The following E2F6 variants were observed in gnomAD, a reference collection of about 807,000 sequenced individuals.
The protein encoded by E2F6 is E2F transcription factor 6.
In E2F6, 19 loss-of-function variants were observed where a neutral mutation model predicts 31.5. That is an observed-to-expected ratio of 0.60 (90% CI 0.42 to 0.89). The LOEUF is 0.89. Among genes scored for constraint, E2F6 ranks in the 40% least tolerant of loss-of-function variants. The pLI is 0.00. For missense variants in E2F6, 269 were observed against 341.6 expected, an observed-to-expected ratio of 0.79 and a Z score of 1.67; for synonymous variants, 121 against 127.7, an observed-to-expected ratio of 0.95 and a Z score of 0.36.
At chr2:11,463,968 AAAACAG>A in intron 1 of E2F6, among the ~76,000 whole-genome samples, 1 of 148,004 alleles carries the variant, frequency 6.8e-6, no homozygotes, top group Non-Finnish European at 1.5e-5. Flanking sequence ...GACAAAAACA[AAAACAG>A]AAAAACAAAT....
intron 4 of E2F6, among the ~76,000 whole-genome samples, chr2:11,450,918 C>G (rs933701999): frequency 2.6e-5 from 4 of 152,158 alleles, no homozygotes; most frequent in African/African-American, 9.7e-5. Context: ...GGGAACAGCA[C>G]AGCATATAGG....
intron 2 of E2F6, among the ~76,000 whole-genome samples, chr2:11,456,548 A>G (rs2148350434): frequency 6.6e-6 from 1 of 152,302 alleles, no homozygotes; most frequent in East Asian, 1.9e-4. Flanking sequence ...CTATATTTTG[A>G]AAGGTCATTG....
Position 11,465,778 on chromosome 2 carries a change from G to C in E2F6, c.102C>G (p.Gly34=). 6.3e-7 allele frequency: 1 copy of C among 1,594,590 alleles called. No homozygotes were observed. The highest frequency in any genetic ancestry group is 2.3e-5 in the East Asian group (1 of 43,986). ...RRCRDPINVE[G]LLPSKIRINL... ...GTCCCGTCCCGGAGCTTACCAGCAG[G>C]CCCTCCACGTTGATGGGGTCTCGGC... Residue 34 remains glycine (G), a synonymous_variant, in exon 1 of 7, where the codon GGC becomes GGG. Coordinates refer to ENST00000381525, the MANE Select transcript of E2F6 (RefSeq NM_198256.4).
At chr2:11,461,128 T>C (rs1235715531) in intron 1 of E2F6, among the ~76,000 whole-genome samples, 4 of 152,108 alleles carry the variant, frequency 2.6e-5, no homozygotes, top group African/African-American at 9.7e-5. Flanking sequence ...AATGCAGAAT[T>C]AATCCCCTTA....
At chr2:11,449,553 T>C (rs922704594) in intron 5 of E2F6, among the ~76,000 whole-genome samples, 1 of 152,246 alleles carries the variant, frequency 6.6e-6, no homozygotes, top group Non-Finnish European at 1.5e-5. Flanking sequence ...AATGTTCATT[T>C]ACACAGAAAT....
intron 1 of E2F6, among the ~76,000 whole-genome samples, chr2:11,459,196 G>A (rs926245673): frequency 6.6e-6 from 1 of 152,060 alleles, no homozygotes; most frequent in Non-Finnish European, 1.5e-5. Context: ...TGCTGCAGAG[G>A]TTCCCGTTCT....
At chr2:11,464,548 T>C (rs1305229232) in intron 1 of E2F6, among the ~76,000 whole-genome samples, 1 of 143,694 alleles carries the variant, frequency 7.0e-6, no homozygotes, top group African/African-American at 2.7e-5. Context: ...AAAGTTTAGC[T>C]GTGAAGAGGA....
At chr2:11,464,232 G>T (rs1038454459) in intron 1 of E2F6, among the ~76,000 whole-genome samples, 1 of 152,070 alleles carries the variant, frequency 6.6e-6, no homozygotes, top group African/African-American at 2.4e-5. Flanking sequence ...AACAGTGAGT[G>T]TAAATAACCT....
chr2:11,456,368 C>T (rs1490022120), intron 2 of E2F6, among the ~76,000 whole-genome samples: 1 of 152,114 alleles, frequency 6.6e-6, no homozygotes, highest in African/African-American at 2.4e-5. Context: ...GAAGGAGACC[C>T]AGCAACTTCA....
intron 5 of E2F6, among the ~76,000 whole-genome samples, chr2:11,449,518 T>C (rs1375257237): frequency 6.6e-6 from 1 of 152,244 alleles, no homozygotes; most frequent in Non-Finnish European, 1.5e-5. Flanking sequence ...AAGAACGCAC[T>C]GAGCAGCTGG....
Position 11,465,832 on chromosome 2 carries a change from G to T in E2F6, c.48C>A (p.Asp16Glu), listed in dbSNP as rs1006347100. The T allele has an allele frequency of 1.9e-5, 30 of 1,593,714 alleles. No individual in the cohort carries two copies. Among genetic ancestry groups the T allele is most frequent in the Admixed American group, 8.8e-5 (5 of 57,096 alleles). ...PARKLPSLLL[D>E]PTEETVRRRC... ...GACGGCGAACCGTCTCCTCCGTCGG[G>T]TCCAGGAGGAGACTGGGTAACTTCC... Residue 16 changes from aspartate to glutamate, a missense_variant, in exon 1 of 7, where the codon GAC becomes GAA. By Grantham distance (45) the Asp-to-Glu change is conservative. Coordinates refer to ENST00000381525, the MANE Select transcript of E2F6 (RefSeq NM_198256.4).
rs976985269 is a variant in E2F6 at position 11,445,291 on chromosome 2, CACTT to C, written c.*1182_*1185del. On this transcript the variant is annotated 3_prime_UTR_variant, in exon 7 of 7. Transcript: ENST00000381525. ...GATCTTACAATTCACTCACTCCACT[CACTT>C]ATTTGTTCAGACATTTATTGAGCAC... 8 of 152,740 alleles carry C rather than the reference CACTT, an allele frequency of 5.2e-5. No homozygotes were observed. The highest frequency in any genetic ancestry group is 3.4e-3 in the Middle Eastern group (1 of 294). 9.5% of individuals were successfully genotyped at this position (152,740 alleles called of 1,614,324 possible).
chr2:11,455,556 AG>A (rs1273326870), intron 2 of E2F6: 6 of 869,142 alleles, frequency 6.9e-6, no homozygotes, highest in African/African-American at 3.6e-5. Flanking sequence ...CAACAAACTC[AG>A]GAAGATTACA....
intron 2 of E2F6, chr2:11,455,508 A>C (rs1411864676): frequency 7.8e-7 from 1 of 1,280,210 alleles, no homozygotes; most frequent in Non-Finnish European, 1.0e-6. Context: ...TAGGAATTTA[A>C]AAGGATTTTT....
At chr2:11,446,609 A>G (rs1670730467) in intron 6 of E2F6, 86 bp from the exon 7 acceptor site, 2 of 1,131,596 alleles carry the variant, frequency 1.8e-6, no homozygotes, top group Middle Eastern at 4.0e-4. Context: ...AGAATACACA[A>G]TCTGACTACT....
At chr2:11,451,830 C>T (rs767985061) in intron 3 of E2F6, 24 bp from the exon 4 acceptor site, 1 of 1,595,960 alleles carries the variant, frequency 6.3e-7, no homozygotes, top group South Asian at 1.1e-5. Flanking sequence ...AAAATGTCAG[C>T]ATCAATACCA....
chr2:11,456,190 A>T (rs2148349843), intron 2 of E2F6, among the ~76,000 whole-genome samples: 1 of 152,356 alleles, frequency 6.6e-6, no homozygotes, highest in South Asian at 2.1e-4. Flanking sequence ...TTTAATGCAA[A>T]CACTTAAAAT....
chr2:11,463,953 G>C (rs904504470), intron 1 of E2F6, among the ~76,000 whole-genome samples: 13 of 133,616 alleles, frequency 9.7e-5, no homozygotes, highest in African/African-American at 2.2e-4. Flanking sequence ...TGCACCGGGG[G>C]GGGGGACAAA....
chr2:11,457,053 A>T lies in E2F6; in HGVS notation c.163+126T>A, dbSNP rs114857828. The T allele has an allele frequency of 3.2e-3, 2,385 of 754,224 alleles. 30 individuals are homozygous for T. In the African/African-American group the frequency reaches 0.034, roughly 11 times the overall value. The allele number at this position is 754,224 out of a possible 1,614,324, so 46.7% of individuals were successfully genotyped here. A position where few individuals can be genotyped will look rare whatever the true frequency, so the allele number is the denominator to read the frequency against. ...AGTTGTTACTAAAACTTGCAACTTT[A>T]CATTTCAGTGTACACATAACAAATT... is the stretch of plus-strand genomic sequence containing the variant. On this transcript the variant is annotated intron_variant, in intron 2 of 6. Transcript: ENST00000381525.
Sources: allele counts gnomAD v4.1 joint callset (sites outside exome capture counted in the v4.1 genomes callset), GRCh38; gene constraint gnomAD v4.1.1; transcripts MANE v1.5; gene names NCBI Gene and HGNC (gene_info 2026-07-23, HGNC 2026-07-21).